The following KCNK10 variants were observed in gnomAD, a reference collection of about 807,000 sequenced individuals.
KCNK10 encodes the protein potassium channel subfamily K member 10.
Under a neutral mutation model 47.7 loss-of-function variants are expected in KCNK10, and 25 were observed. The ratio of observed to expected loss-of-function variants is 0.52; its 90% confidence interval spans 0.38 to 0.73. The LOEUF (loss-of-function observed/expected upper bound fraction) is 0.73. KCNK10 is among the 30% of genes least tolerant of loss of function. The pLI, the probability that KCNK10 is intolerant of heterozygous loss-of-function variation, is 0.00. For synonymous variants in KCNK10, 303 were observed against 285.6 expected, an observed-to-expected ratio of 1.06 and a Z score of -0.61; for missense variants, 563 against 714.5, an observed-to-expected ratio of 0.79 and a Z score of 2.42.
chr14:88,208,941 T>A (rs1215536431), intron 4 of KCNK10, among the ~76,000 whole-genome samples: 6 of 152,258 alleles, frequency 3.9e-5, no homozygotes, highest in Admixed American at 1.3e-4. Flanking sequence ...TAATTTAGTA[T>A]CAGTTCTTTC....
chr14:88,222,045 C>T (rs376760674), intron 4 of KCNK10, among the ~76,000 whole-genome samples: 4 of 152,284 alleles, frequency 2.6e-5, no homozygotes, highest in Non-Finnish European at 5.9e-5. Context: ...CAAAAAGAGG[C>T]TTAATTGGAC....
Position 88,260,739 on chromosome 14 carries a change from G to A in KCNK10, c.402+2463C>T, listed in dbSNP as rs1452564858. On this transcript the variant is annotated intron_variant, in intron 2 of 6. Transcript: ENST00000319231. The surrounding 1 kb of genome is among the most constrained non-coding windows in gnomAD (Gnocchi z 4.5). ...TTAAATGAGATAATGGGTATATGATGCCCAGCTCATAACAGATGCCTAATA... is the reference window on the plus strand; with the variant it reads ...TTAAATGAGATAATGGGTATATGATACCCAGCTCATAACAGATGCCTAATA... 2.6e-5 allele frequency among the ~76,000 whole-genome samples: 4 copies of A among 152,166 alleles called. No individual in the cohort carries two copies. The highest frequency in any genetic ancestry group is 9.7e-5 in the African/African-American group (4 of 41,442).
chr14:88,313,466 C>T (rs917815313), intron 1 of KCNK10, among the ~76,000 whole-genome samples: 1 of 152,204 alleles, frequency 6.6e-6, no homozygotes, highest in African/African-American at 2.4e-5. Context: ...GCCAATTCCA[C>T]CTTGTTCTCT....
At chr14:88,272,768 T>TG (rs1887436352) in intron 1 of KCNK10, among the ~76,000 whole-genome samples, 1 of 151,748 alleles carries the variant, frequency 6.6e-6, no homozygotes, top group East Asian at 1.9e-4. Flanking sequence ...AGATCGTCTG[T>TG]GGGGGGTGTG....
intron 2 of KCNK10, among the ~76,000 whole-genome samples, chr14:88,252,393 A>G (rs1886827364): frequency 6.6e-6 from 1 of 152,206 alleles, no homozygotes; most frequent in South Asian, 2.1e-4. Context: ...TGTTGAATGA[A>G]AGAATGAATA....
At position 88,185,521 on chromosome 14, in the gene KCNK10, A is replaced by G; in HGVS notation, c.*14T>C. 6.2e-7 allele frequency: 1 copy of G among 1,608,988 alleles called. No homozygotes were observed. The highest frequency in any genetic ancestry group is 8.5e-7 in the Non-Finnish European group (1 of 1,176,778). ...CACACACAACGCTCAGTCCAAGACC[A>G]ATGTCCTTCACATTTAGTTTCTGTC... is the stretch of plus-strand genomic sequence containing the variant. On this transcript the variant is annotated 3_prime_UTR_variant, in exon 7 of 7. Coordinates refer to ENST00000319231, the MANE Select transcript of KCNK10 (RefSeq NM_138317.3). The surrounding 1 kb of genome is among the most constrained non-coding windows in gnomAD (Gnocchi z 4.3).
chr14:88,299,366 C>G (rs1888050103), intron 1 of KCNK10, among the ~76,000 whole-genome samples: 1 of 152,180 alleles, frequency 6.6e-6, no homozygotes, highest in Non-Finnish European at 1.5e-5. Flanking sequence ...CTACATCTCA[C>G]TTTCTCATTG....
intron 2 of KCNK10, among the ~76,000 whole-genome samples, chr14:88,256,213 A>G (rs765179473): frequency 2.6e-4 from 40 of 152,286 alleles, no homozygotes; most frequent in Non-Finnish European, 4.3e-4. Context: ...TCCTTATTAA[A>G]GGGGCCTGGC....
Position 88,240,696 on chromosome 14 carries a change from C to T in KCNK10, c.520+7G>A, listed in dbSNP as rs1026719833. Reference sequence around the variant, plus strand: ...AGAGGAAGAGATATTAGCAAACAAACGGGTACCTATGGTCGTAATGACAGT... The same window carrying T: ...AGAGGAAGAGATATTAGCAAACAAATGGGTACCTATGGTCGTAATGACAGT... On this transcript the variant is annotated splice_region_variant and intron_variant, in intron 3 of 6. Transcript: ENST00000319231. 1.7e-5 allele frequency: 27 copies of T among 1,571,272 alleles called. No homozygotes were observed. The highest frequency in any genetic ancestry group is 2.2e-5 in the East Asian group (1 of 44,644).
At chr14:88,194,630 A>T (rs1274342260) in intron 4 of KCNK10, among the ~76,000 whole-genome samples, 1 of 152,168 alleles carries the variant, frequency 6.6e-6, no homozygotes, top group Non-Finnish European at 1.5e-5. Flanking sequence ...GATGGGCAGG[A>T]GGGAAGATGG....
rs76954168 is a variant in KCNK10, at chr14:88,311,919, G to A, written c.52+10828C>T. On this transcript the variant is annotated intron_variant, in intron 1 of 6. Coordinates refer to ENST00000319231, the MANE Select transcript of KCNK10 (RefSeq NM_138317.3). ...AGAACCAGAAGGGGGGCACAGTGGCGTCTTGGCATCCTGAGACTTTTTCCA... is the reference window on the plus strand; with the variant it reads ...AGAACCAGAAGGGGGGCACAGTGGCATCTTGGCATCCTGAGACTTTTTCCA... Among the ~76,000 whole-genome samples, 1,491 of 152,210 alleles carry A rather than the reference G, an allele frequency of 9.8e-3. 13 individuals carry two copies. The highest frequency in any genetic ancestry group is 0.011 in the Non-Finnish European group (775 of 68,016).
At chr14:88,202,244 G>A (rs989581529) in intron 4 of KCNK10, among the ~76,000 whole-genome samples, 8 of 152,186 alleles carry the variant, frequency 5.3e-5, no homozygotes, top group South Asian at 2.1e-4. Context: ...GCCATAGGTC[G>A]CCCAAGCCAC....
At chr14:88,269,973 A>G (rs941900033) in intron 1 of KCNK10, among the ~76,000 whole-genome samples, 1 of 152,176 alleles carries the variant, frequency 6.6e-6, no homozygotes, top group Admixed American at 6.5e-5. Context: ...TGGAAACCTG[A>G]AATGCAGCTG....
chr14:88,270,108 C>A (rs1241050660), intron 1 of KCNK10, among the ~76,000 whole-genome samples: 1 of 152,088 alleles, frequency 6.6e-6, no homozygotes, highest in Non-Finnish European at 1.5e-5. Context: ...CTCCCCGCAG[C>A]CGACCTCCCA....
At chr14:88,195,437 G>A (rs1884880246) in intron 4 of KCNK10, among the ~76,000 whole-genome samples, 4 of 152,168 alleles carry the variant, frequency 2.6e-5, no homozygotes, top group Admixed American at 1.3e-4. Context: ...TTTTTCCTTA[G>A]ACGTAGACAG....
chr14:88,271,452 G>A (rs1415640492), intron 1 of KCNK10, among the ~76,000 whole-genome samples: 3 of 152,178 alleles, frequency 2.0e-5, no homozygotes, highest in Non-Finnish European at 4.4e-5. Flanking sequence ...AAAGCAAACA[G>A]TCCAAAGAGA....
At chr14:88,325,678 A>G (rs1299535978), upstream of KCNK10, among the ~76,000 whole-genome samples, 1 of 133,342 alleles carries the variant, frequency 7.5e-6, no homozygotes, top group Non-Finnish European at 1.7e-5. Flanking sequence ...ATATTTTCCA[A>G]GCCTCCAGGC....
At chr14:88,288,596 T>C (rs417055) in intron 1 of KCNK10, among the ~76,000 whole-genome samples, 24,486 of 152,160 alleles carry the variant, frequency 0.16, 2,640 homozygotes, top group African/African-American at 0.31. Flanking sequence ...CTCCACTGCA[T>C]GCTGAAAACC....
At chr14:88,212,816 G>T (rs955830030) in intron 4 of KCNK10, among the ~76,000 whole-genome samples, 1 of 152,188 alleles carries the variant, frequency 6.6e-6, no homozygotes, top group Admixed American at 6.5e-5. Context: ...TTCTCCCCCA[G>T]AAATACAAAG....
Sources: allele counts gnomAD v4.1 joint callset (sites outside exome capture counted in the v4.1 genomes callset), GRCh38; gene constraint gnomAD v4.1.1; non-coding constraint Gnocchi (gnomAD v3.1); transcripts MANE v1.5; gene names NCBI Gene and HGNC (gene_info 2026-07-23, HGNC 2026-07-21).